Variants in TEK observed in about 807,000 individuals in gnomAD.
TEK encodes angiopoietin-1 receptor.
TEK carries 43 observed loss-of-function variants against 131.8 expected under a neutral mutation model. That is an observed-to-expected ratio of 0.33 (90% CI 0.26 to 0.42). TEK has a LOEUF of 0.42. Among genes scored for constraint, TEK ranks in the 10% least tolerant of loss-of-function variants. TEK has a pLI of 1.00. For synonymous variants in TEK, 580 were observed against 491.6 expected, an observed-to-expected ratio of 1.18 and a Z score of -2.38; for missense variants, 1,162 against 1,384.4, an observed-to-expected ratio of 0.84 and a Z score of 2.55.
intron 21 of TEK, among the ~76,000 whole-genome samples, chr9:27,220,840 C>A (rs1225686251): frequency 6.6e-6 from 1 of 152,184 alleles, no homozygotes; most frequent in Non-Finnish European, 1.5e-5. Flanking sequence ...GTTGCAAGCA[C>A]CAAACTGGGT....
chr9:27,214,512 G>T (rs546684654), intron 18 of TEK, among the ~76,000 whole-genome samples: 2 of 152,252 alleles, frequency 1.3e-5, no homozygotes, highest in South Asian at 2.1e-4. Context: ...CAAGGCTCAG[G>T]TTCCGGCATT....
At position 27,183,466 on chromosome 9, in the gene TEK, G is replaced by A. The variant is rs562449478; in HGVS notation, c.1038G>A (p.Gln346=). The change falls in exon 8 of 23, where the codon CAG becomes CAA. Residue 346 remains glutamine, a synonymous_variant. Coordinates refer to ENST00000380036, the MANE Select transcript of TEK (RefSeq NM_000459.5). ...GCTGTTTTCTTCCTTCAGGCATACA[G>A]AGGATGACCCCAAAGATAGTGGATT... The part of the protein sequence containing the change: ...QGLQCEREGI[Q]RMTPKIVDLP... 6.2e-6 allele frequency: 10 copies of A among 1,613,618 alleles called. No homozygotes were observed. In the South Asian group the frequency reaches 8.8e-5, roughly 14 times the overall value.
chr9:27,225,246 T>G (rs962236136), intron 21 of TEK, among the ~76,000 whole-genome samples: 1 of 152,072 alleles, frequency 6.6e-6, no homozygotes, highest in Non-Finnish European at 1.5e-5. Context: ...CTGCTTTAAA[T>G]TTCATATGGA....
At chr9:27,181,967 G>T (rs769390059) in intron 7 of TEK, among the ~76,000 whole-genome samples, 1 of 138,846 alleles carries the variant, frequency 7.2e-6, no homozygotes, top group Non-Finnish European at 1.6e-5. Flanking sequence ...TGGGATGCCA[G>T]TAAGTGTTTT....
chr9:27,158,434 G>A (rs1481597586), intron 2 of TEK, among the ~76,000 whole-genome samples: 1 of 152,132 alleles, frequency 6.6e-6, no homozygotes, highest in Non-Finnish European at 1.5e-5. Context: ...TTACATGTAT[G>A]TAATATGAAA....
chr9:27,175,376 C>G (rs1043827102), intron 6 of TEK, among the ~76,000 whole-genome samples: 1 of 150,326 alleles, frequency 6.7e-6, no homozygotes, highest in African/African-American at 2.4e-5. Context: ...TTTTCTTAAT[C>G]CAGTCTATCA....
intron 1 of TEK, among the ~76,000 whole-genome samples, chr9:27,137,329 A>G (rs1822499573): frequency 6.6e-6 from 1 of 152,226 alleles, no homozygotes; most frequent in Admixed American, 6.5e-5. Context: ...TATCTATGGA[A>G]GATAAATCAT....
chr9:27,172,652 A>G lies in TEK; in HGVS notation c.665A>G (p.His222Arg). The change falls in exon 5 of 23, where the codon CAT becomes CGT. Residue 222 changes from histidine to arginine, a missense_variant. Physicochemically the swap from His to Arg is conservative, Grantham distance 29 (BLOSUM62 0). This residue lies in a region of TEK where 436 missense variants were observed against 539.1 expected (regional missense o/e 0.81). Transcript: ENST00000380036. ...CAGAAGTGGGGACCTGAATGCAACC[A>G]TCTCTGTACTGCTTGTATGAACAAT... ...EAQKWGPECN[H>R]LCTACMNNGV... The G allele has an allele frequency of 1.9e-6, 3 of 1,613,794 alleles. No homozygotes were observed. Among genetic ancestry groups the G allele is most frequent in the Non-Finnish European group, 2.5e-6 (3 of 1,179,714 alleles).
At chr9:27,165,969 C>T (rs1357495165) in intron 2 of TEK, among the ~76,000 whole-genome samples, 1 of 152,236 alleles carries the variant, frequency 6.6e-6, no homozygotes, top group African/African-American at 2.4e-5. Context: ...CATCTTTTGC[C>T]CTCACAGGGT....
At chr9:27,184,641 C>T (rs1346740705) in intron 8 of TEK, among the ~76,000 whole-genome samples, 1 of 152,094 alleles carries the variant, frequency 6.6e-6, no homozygotes, top group East Asian at 1.9e-4. Context: ...TAAGGTTGGC[C>T]ATAACTATAT....
intron 1 of TEK, among the ~76,000 whole-genome samples, chr9:27,123,027 T>C (rs1441842652): frequency 5.4e-5 from 6 of 112,142 alleles, no homozygotes; most frequent in Non-Finnish European, 9.8e-5. Context: ...CACTCCAGCC[T>C]GGGTGACAGA....
At chr9:27,137,025 C>T (rs1262992910) in intron 1 of TEK, among the ~76,000 whole-genome samples, 1 of 152,152 alleles carries the variant, frequency 6.6e-6, no homozygotes, top group Non-Finnish European at 1.5e-5. Context: ...AAGCGATTCT[C>T]CTGCCTCAGC....
chr9:27,214,401 T>A (rs549325648), intron 18 of TEK, among the ~76,000 whole-genome samples: 1 of 152,324 alleles, frequency 6.6e-6, no homozygotes, highest in African/African-American at 2.4e-5. Flanking sequence ...TTTTTAGGTC[T>A]GATGAACATT....
chr9:27,177,266 T>C (rs1158133469), intron 6 of TEK, among the ~76,000 whole-genome samples: 1 of 152,236 alleles, frequency 6.6e-6, no homozygotes, highest in Non-Finnish European at 1.5e-5. Context: ...AGAACTTCCT[T>C]ATTGTTTTCC....
intron 6 of TEK, among the ~76,000 whole-genome samples, chr9:27,174,816 C>T (rs1824101409): frequency 6.6e-6 from 1 of 152,014 alleles, no homozygotes; most frequent in Admixed American, 6.6e-5. Flanking sequence ...AGGCAGGGGG[C>T]AGATCCCTTG....
intron 2 of TEK, among the ~76,000 whole-genome samples, chr9:27,167,463 A>G (rs559061837): frequency 1.1e-4 from 16 of 152,178 alleles, no homozygotes; most frequent in Non-Finnish European, 1.5e-4. Context: ...CCTGACCTCA[A>G]GTGATCTGTC....
At position 27,157,936 on chromosome 9, in the gene TEK, A is replaced by G; in HGVS notation, c.158A>G (p.Glu53Gly). 6.2e-7 allele frequency: 1 copy of G among 1,614,096 alleles called. No individual in the cohort carries two copies. The stretch of plus-strand genomic sequence containing the variant: ...ATTGCCTCTGGGTGGCGCCCCCATG[A>G]GCCCATCACCATAGGAAGGGACTTT... ...TCIASGWRPHEPITIGRDFEA... is the reference protein window; with the variant it reads ...TCIASGWRPHGPITIGRDFEA... Residue 53 changes from glutamate to glycine, a missense_variant, in exon 2 of 23, where the codon GAG becomes GGG. Transcript: ENST00000380036.
chr9:27,221,458 C>A (rs1022336604), intron 21 of TEK, among the ~76,000 whole-genome samples: 2 of 117,238 alleles, frequency 1.7e-5, no homozygotes, highest in East Asian at 7.5e-4. Flanking sequence ...GGTCCCTGAC[C>A]CGACCCCTGT....
At chr9:27,110,907 T>C (rs1478524807) in intron 1 of TEK, among the ~76,000 whole-genome samples, 1 of 60,880 alleles carries the variant, frequency 1.6e-5, no homozygotes, top group Non-Finnish European at 3.6e-5. Context: ...TTATCATGAT[T>C]CCATTTTTGA....
Sources: gnomAD v4.1 joint callset for allele counts (sites outside exome capture counted in the v4.1 genomes callset) on GRCh38, gnomAD v4.1.1 for gene constraint, gnomAD v4.1.1 regional missense constraint, MANE v1.5 for transcripts, NCBI Gene and HGNC (gene_info 2026-07-23, HGNC 2026-07-21) for gene names.